The following DYNC1H1 variants were observed in gnomAD, a reference collection of about 807,000 sequenced individuals.
DYNC1H1 encodes dynein cytoplasmic 1 heavy chain 1.
Under a neutral mutation model 527.1 loss-of-function variants are expected in DYNC1H1, and 51 were observed. That is an observed-to-expected ratio of 0.10 (90% CI 0.08 to 0.12). The LOEUF is 0.12. Ranked by LOEUF, DYNC1H1 falls within the 10% of genes least tolerant of loss-of-function variation. The pLI is 1.00. For synonymous variants in DYNC1H1, 2,189 were observed against 2,278.8 expected (o/e 0.96, Z 1.12); for missense variants, 2,771 against 5,971.8 (o/e 0.46, Z 17.66).
rs2048190315 is a variant in DYNC1H1, at chr14:102,005,785, C to T, written c.5434-103C>T. The T allele has an allele frequency of 4.2e-6, 6 of 1,437,798 alleles. No individual in the cohort carries two copies. The South Asian group carries it at 7.0e-5, about 17-fold the overall frequency. 89.1% of individuals were successfully genotyped at this position (1,437,798 alleles called of 1,614,324 possible). On this transcript the variant is annotated intron_variant, in intron 26 of 77. Coordinates refer to ENST00000360184, the MANE Select transcript of DYNC1H1 (RefSeq NM_001376.5). This position sits in a 1 kb window ranked among gnomAD's most constrained non-coding sequence, Gnocchi z 4.0. ...GAACATTTACTGAAAGCCATTGTAA[C>T]TGGACCTAGAACCTCAATTTCAGTT...
chr14:102,047,907 C>A lies in DYNC1H1; in HGVS notation c.13097C>A (p.Thr4366Lys). The A allele has an allele frequency of 6.2e-7, 1 of 1,613,718 alleles. No homozygotes were observed. The highest frequency in any genetic ancestry group is 8.5e-7 in the Non-Finnish European group (1 of 1,180,014). The change falls in exon 73 of 78, where the codon ACA becomes AAA. Residue 4366 changes from threonine to lysine, a missense_variant. By Grantham distance (78) the Thr-to-Lys change is moderately conservative (BLOSUM62 -1). Transcript: ENST00000360184. ...GCAGAGACTGAGAAGAAGACGAGGA[C>A]AGACTCCACGTCCGACGGGCGCCCT... ...AYAETEKKTR[T>K]DSTSDGRPAW... is the part of the protein sequence containing the mutation.
At chr14:101,996,625 GTGTTT>G (rs1375375463) in intron 15 of DYNC1H1, among the ~76,000 whole-genome samples, 2 of 151,736 alleles carry the variant, frequency 1.3e-5, no homozygotes, top group Non-Finnish European at 2.9e-5. Flanking sequence ...TTGATCTTCT[GTGTTT>G]TGTTTTGTTT....
At position 102,004,774 on chromosome 14, in the gene DYNC1H1, A is replaced by G. The variant is rs1257985362; in HGVS notation, c.5062A>G (p.Thr1688Ala). Residue 1688 changes from threonine (T) to alanine (A), a missense_variant, in exon 25 of 78, where the codon ACT becomes GCT. Transcript: ENST00000360184. ...GTATTTATTTCAGGTTATGTTTAAAACTCCTGTGTCAATTACTGAACATCC... is the reference window on the plus strand; with the variant it reads ...GTATTTATTTCAGGTTATGTTTAAAGCTCCTGTGTCAATTACTGAACATCC... ...SREGEEVMFK[T>A]PVSITEHPKI... The G allele has an allele frequency of 6.2e-7, 1 of 1,614,006 alleles. No homozygotes were observed. Among genetic ancestry groups the G allele is most frequent in the East Asian group, 2.2e-5 (1 of 44,876 alleles).
rs2048573882 is a variant in DYNC1H1, at chr14:102,036,246, A to G, written c.10755-243A>G. 4.1e-6 allele frequency: 2 copies of G among 483,766 alleles called. No homozygotes were observed. The highest frequency in any genetic ancestry group is 4.0e-5 in the East Asian group (1 of 25,022). 30.0% of individuals were successfully genotyped at this position (483,766 alleles called of 1,614,324 possible). On this transcript the variant is annotated intron_variant, in intron 56 of 77. Coordinates refer to ENST00000360184, the MANE Select transcript of DYNC1H1 (RefSeq NM_001376.5). This position sits in a 1 kb window ranked among gnomAD's most constrained non-coding sequence, Gnocchi z 5.6. ...CCCAGAAGGAAAAAGATTTTTAACT[A>G]TGGCCCTCTTGGTGTATGACTCAAG...
At chr14:102,045,337 C>A (rs1450192769) in intron 72 of DYNC1H1, 2 of 152,908 alleles carry the variant, frequency 1.3e-5, no homozygotes, top group Non-Finnish European at 2.8e-5. Flanking sequence ...CAGTGGCTCA[C>A]GCCTATAATC....
Position 102,012,229 on chromosome 14 carries a change from C to T in DYNC1H1, c.6858-85C>T. 6.2e-7 allele frequency: 1 copy of T among 1,612,286 alleles called. No individual in the cohort carries two copies. Among genetic ancestry groups the T allele is most frequent in the Non-Finnish European group, 8.5e-7 (1 of 1,178,616 alleles). ...ACCAAAGTCTGAGCAAATTAAAGGT[C>T]ATTTCAGAAACCATCATCGGTAAAC... On this transcript the variant is annotated intron_variant, in intron 33 of 77. Transcript: ENST00000360184. The surrounding 1 kb of genome is among the most constrained non-coding windows in gnomAD (Gnocchi z 4.9).
rs769467487 is a variant in DYNC1H1, at chr14:102,009,815, A to C, written c.5978-28A>C. The C allele has an allele frequency of 1.9e-6, 3 of 1,611,540 alleles. No individual in the cohort carries two copies. In the African/African-American group the frequency reaches 4.0e-5, roughly 22 times the overall value. On this transcript the variant is annotated intron_variant, in intron 29 of 77. Coordinates refer to ENST00000360184, the MANE Select transcript of DYNC1H1 (RefSeq NM_001376.5). ...TTTGTTTTTTTTTTTTAACATTTCT[A>C]GTCTTAACGCTATCATCTCATTCTC...
At position 102,005,363 on chromosome 14, in the gene DYNC1H1, A is replaced by G; in HGVS notation, c.5433+127A>G. 3.1e-6 allele frequency: 4 copies of G among 1,299,228 alleles called. No homozygotes were observed. Among genetic ancestry groups the G allele is most frequent in the Middle Eastern group, 4.8e-4 (2 of 4,210 alleles). The allele number at this position is 1,299,228 out of a possible 1,614,324, so 80.5% of individuals were successfully genotyped here. A position where few individuals can be genotyped will look rare whatever the true frequency, so the allele number is the denominator to read the frequency against. ...AAGGAGAACAGTGGATGGTGTATGGATATCCTCTGAGGGTGGGCATTTGGC... is the reference window on the plus strand; with the variant it reads ...AAGGAGAACAGTGGATGGTGTATGGGTATCCTCTGAGGGTGGGCATTTGGC... On this transcript the variant is annotated intron_variant, in intron 26 of 77. Transcript: ENST00000360184. The surrounding 1 kb of genome is among the most constrained non-coding windows in gnomAD (Gnocchi z 4.0).
intron 52 of DYNC1H1, 91 bp from the exon 53 acceptor site, chr14:102,032,974 G>C (rs1226470893): frequency 7.5e-7 from 1 of 1,327,382 alleles, no homozygotes. Context: ...TGAGATGGGA[G>C]CTGGCTCTGG....
chr14:102,014,362 C>T (rs2144987), intron 34 of DYNC1H1, among the ~76,000 whole-genome samples: 57,302 of 151,900 alleles, frequency 0.38, 13,422 homozygotes, highest in Non-Finnish European at 0.53. Context: ...GATGAAACCC[C>T]GTCTCTACTA....
At position 102,005,012 on chromosome 14, in the gene DYNC1H1, C is replaced by A; in HGVS notation, c.5239-30C>A. ...AACGCAGACCAATCTTTAAAATGATCCTTTGGGATCTTGTTTCTGTGTCTT... is the reference window on the plus strand; with the variant it reads ...AACGCAGACCAATCTTTAAAATGATACTTTGGGATCTTGTTTCTGTGTCTT... On this transcript the variant is annotated intron_variant, in intron 25 of 77. Transcript: ENST00000360184. This position sits in a 1 kb window ranked among gnomAD's most constrained non-coding sequence, Gnocchi z 4.0. The A allele has an allele frequency of 6.2e-7, 1 of 1,614,138 alleles. No individual in the cohort carries two copies. The highest frequency in any genetic ancestry group is 8.5e-7 in the Non-Finnish European group (1 of 1,180,046).
At chr14:101,981,016 C>T (rs184354707) in intron 5 of DYNC1H1, among the ~76,000 whole-genome samples, 17 of 152,330 alleles carry the variant, frequency 1.1e-4, no homozygotes, top group Admixed American at 9.1e-4. Context: ...GTCTTCCTCC[C>T]TATTCTGACA....
chr14:102,049,568 G>A lies in DYNC1H1; in HGVS notation c.13501G>A (p.Ala4501Thr), dbSNP rs1341526440. ...CTCACTGGCAGCTGCATCTGGTGGC[G>A]CCAAGGAGCTAAAGGTGAAGGCGCT... ...NISLAAASGG[A>T]KELKNIHVCL... is the part of the protein sequence containing the mutation. The change falls in exon 75 of 78, where the codon GCC becomes ACC. Residue 4501 changes from alanine to threonine, a missense_variant. This residue lies in a region of DYNC1H1 where 170 missense variants were observed against 249.8 expected (regional missense o/e 0.68). Coordinates refer to ENST00000360184, the MANE Select transcript of DYNC1H1 (RefSeq NM_001376.5). The surrounding 1 kb of genome is among the most constrained non-coding windows in gnomAD (Gnocchi z 5.5). The A allele has an allele frequency of 6.2e-7, 1 of 1,613,928 alleles. No individual in the cohort carries two copies. Among genetic ancestry groups the A allele is most frequent in the Non-Finnish European group, 8.5e-7 (1 of 1,180,040 alleles).
Position 102,007,179 on chromosome 14 carries a change from G to A in DYNC1H1, c.5817+71G>A, listed in dbSNP as rs75526630. 175 of 1,514,920 alleles carry A rather than the reference G, an allele frequency of 1.2e-4. 1 individual carries two copies. The East Asian group carries it at 2.5e-3, about 22-fold the overall frequency. The allele number at this position is 1,514,920 out of a possible 1,614,324, so 93.8% of individuals were successfully genotyped here. A position where few individuals can be genotyped will look rare whatever the true frequency, so the allele number is the denominator to read the frequency against. On this transcript the variant is annotated intron_variant, in intron 28 of 77. Coordinates refer to ENST00000360184, the MANE Select transcript of DYNC1H1 (RefSeq NM_001376.5). ...GATCATTTGGGGAATATCAAGCTCCGTACCTCTCTCAAAGCCATTGGTCTT... is the reference window on the plus strand; with the variant it reads ...GATCATTTGGGGAATATCAAGCTCCATACCTCTCTCAAAGCCATTGGTCTT...
At chr14:101,977,703 T>C (rs1314707917) in intron 2 of DYNC1H1, among the ~76,000 whole-genome samples, 1 of 152,230 alleles carries the variant, frequency 6.6e-6, no homozygotes, top group Non-Finnish European at 1.5e-5. Flanking sequence ...TCAGCCTTTG[T>C]GTACCTTTTG....
chr14:102,017,642 C>A lies in DYNC1H1; in HGVS notation c.8177+138C>A. The A allele has an allele frequency of 6.8e-7, 1 of 1,478,570 alleles. No homozygotes were observed. The highest frequency in any genetic ancestry group is 9.3e-7 in the Non-Finnish European group (1 of 1,070,352). 91.6% of individuals were successfully genotyped at this position (1,478,570 alleles called of 1,614,324 possible). On this transcript the variant is annotated intron_variant, in intron 40 of 77. Transcript: ENST00000360184. The surrounding 1 kb of genome is among the most constrained non-coding windows in gnomAD (Gnocchi z 4.6). ...TGTGGATTCCTCTTGGGTTACTTCTCTGTGCTGTAATGCCAGGAAAACATG... is the reference window on the plus strand; with the variant it reads ...TGTGGATTCCTCTTGGGTTACTTCTATGTGCTGTAATGCCAGGAAAACATG...
chr14:102,047,039 CCCGCTT>C (rs2048728880), intron 72 of DYNC1H1, among the ~76,000 whole-genome samples: 1 of 152,164 alleles, frequency 6.6e-6, no homozygotes, highest in African/African-American at 2.4e-5. Context: ...TAGAGATGCT[CCCGCTT>C]CCGCCTCCCA....
rs2048529935 is a variant in DYNC1H1 at position 102,033,187 on chromosome 14, T to G, written c.10197+5T>G. 6.2e-7 allele frequency: 1 copy of G among 1,614,082 alleles called. No individual in the cohort carries two copies. Among genetic ancestry groups the G allele is most frequent in the East Asian group, 2.2e-5 (1 of 44,900 alleles). On this transcript the variant is annotated splice_donor_5th_base_variant and intron_variant, in intron 53 of 77. Coordinates refer to ENST00000360184, the MANE Select transcript of DYNC1H1 (RefSeq NM_001376.5). This position sits in a 1 kb window ranked among gnomAD's most constrained non-coding sequence, Gnocchi z 5.6. Reference sequence around the variant, plus strand: ...GTGAAATGGGCAATTGCACAGGTGATTAACACAGCCAGGAGCTCCCGTGTG... The same window carrying G: ...GTGAAATGGGCAATTGCACAGGTGAGTAACACAGCCAGGAGCTCCCGTGTG...
chr14:102,043,928 C>G lies in DYNC1H1; in HGVS notation c.12567C>G (p.Ile4189Met). The change falls in exon 70 of 78, where the codon ATC becomes ATG. Residue 4189 changes from isoleucine to methionine, a missense_variant. Physicochemically the swap from Ile to Met is conservative, Grantham distance 10. Around this residue, in one of 32 missense-constraint regions of DYNC1H1, gnomAD observed 195 missense variants for 428.6 expected, o/e 0.45. Coordinates refer to ENST00000360184, the MANE Select transcript of DYNC1H1 (RefSeq NM_001376.5). The part of the protein sequence containing the change: ...LYFLLAWFHA[I>M]IQERLRYAPL... Reference sequence around the variant, plus strand: ...TCCTGCTGGCCTGGTTTCATGCGATCATCCAAGAACGCTTACGATACGCAC... The same window carrying G: ...TCCTGCTGGCCTGGTTTCATGCGATGATCCAAGAACGCTTACGATACGCAC... 1 of 1,614,236 alleles carries G rather than the reference C, an allele frequency of 6.2e-7. No homozygotes were observed. Among genetic ancestry groups the G allele is most frequent in the East Asian group, 2.2e-5 (1 of 44,886 alleles).
Sources: allele counts gnomAD v4.1 joint callset (sites outside exome capture counted in the v4.1 genomes callset), GRCh38; gene constraint gnomAD v4.1.1; regional missense constraint gnomAD v4.1.1; non-coding constraint Gnocchi (gnomAD v3.1); transcripts MANE v1.5; gene names NCBI Gene and HGNC (gene_info 2026-07-23, HGNC 2026-07-21).